The following SNX25 variants were observed in gnomAD, a reference collection of about 807,000 sequenced individuals.
SNX25 encodes the protein sorting nexin 25, also known as sorting nexin-25.
A neutral mutation model predicts 113.7 loss-of-function variants in SNX25; 62 were observed. The ratio of observed to expected loss-of-function variants is 0.55; its 90% CI spans 0.44 to 0.67. The LOEUF (loss-of-function observed/expected upper bound fraction) is 0.67, where lower values mean the gene tolerates loss of function less well. Ranked by LOEUF, SNX25 falls within the 30% of genes least tolerant of loss-of-function variation. The pLI is 0.00. For missense variants in SNX25, 1,014 were observed against 1,161.0 expected (o/e 0.87, Z 1.84); for synonymous variants, 421 against 436.2 (o/e 0.97, Z 0.43).
intron 1 of SNX25, among the ~76,000 whole-genome samples, chr4:185,242,001 C>T (rs1047274236): frequency 6.6e-6 from 1 of 152,130 alleles, no homozygotes; most frequent in Admixed American, 6.5e-5. Flanking sequence ...TTTTCATTAG[C>T]TTCTTTCTCT....
intron 12 of SNX25, among the ~76,000 whole-genome samples, chr4:185,343,754 G>A (rs2095271458): frequency 6.6e-6 from 1 of 152,058 alleles, no homozygotes; most frequent in Non-Finnish European, 1.5e-5. Flanking sequence ...TTTTTCTCTT[G>A]CTTAGCGTGA....
chr4:185,310,895 A>G (rs1755149678), intron 7 of SNX25, 79 bp downstream of exon 7: 17 of 1,351,754 alleles, frequency 1.3e-5, no homozygotes, highest in South Asian at 9.3e-5. Context: ...AAGACTTTCA[A>G]CTTTTTAGTA....
chr4:185,290,899 A>G (rs984559434), intron 6 of SNX25, among the ~76,000 whole-genome samples: 1 of 152,220 alleles, frequency 6.6e-6, no homozygotes, highest in Admixed American at 6.5e-5. Context: ...TTTTTAAAGA[A>G]AAAAAGACAA....
At chr4:185,283,083 A>G (rs181494939) in intron 5 of SNX25, among the ~76,000 whole-genome samples, 2 of 152,332 alleles carry the variant, frequency 1.3e-5, no homozygotes, top group Non-Finnish European at 2.9e-5. Flanking sequence ...GATGCCCACT[A>G]TGTGCAAAGT....
chr4:185,269,976 G>C (rs1315334828), intron 5 of SNX25, among the ~76,000 whole-genome samples: 1 of 151,186 alleles, frequency 6.6e-6, no homozygotes, highest in African/African-American at 2.4e-5. Flanking sequence ...AATGAATCTT[G>C]ATAAGAATTA....
At chr4:185,320,944 C>A in intron 8 of SNX25, 80 bp downstream of exon 8, 1 of 1,294,702 alleles carries the variant, frequency 7.7e-7, no homozygotes, top group South Asian at 2.0e-5. Context: ...CTGTTTTTCT[C>A]AAGATAAGTA....
rs746568665 is a variant in SNX25 at position 185,342,094 on chromosome 4, A to G, written c.2165A>G (p.Asn722Ser). 1 of 1,602,886 alleles carries G rather than the reference A, an allele frequency of 6.2e-7. No individual in the cohort carries two copies. Among genetic ancestry groups the G allele is most frequent in the Non-Finnish European group, 8.5e-7 (1 of 1,175,702 alleles). Residue 722 changes from asparagine (N) to serine (S), a missense_variant, in exon 12 of 19, where the codon AAT becomes AGT. Coordinates refer to ENST00000652585, the MANE Select transcript of SNX25 (RefSeq NM_001378034.2). Reference protein sequence around the residue: ...TVPRRLSEFQNLHRKLSECVP... With the variant: ...TVPRRLSEFQSLHRKLSECVP... ...CCCAGAAGGCTCAGCGAGTTTCAGA[A>G]TTTACACCGGAAACTCAGTGAGGTA...
At chr4:185,237,190 A>C (rs1742768900) in intron 1 of SNX25, among the ~76,000 whole-genome samples, 1 of 151,988 alleles carries the variant, frequency 6.6e-6, no homozygotes, top group Non-Finnish European at 1.5e-5. Flanking sequence ...CTATTAATAC[A>C]CTCTCCCTAA....
At chr4:185,327,782 T>C (rs757921531) in intron 9 of SNX25, among the ~76,000 whole-genome samples, 4 of 152,240 alleles carry the variant, frequency 2.6e-5, no homozygotes, top group African/African-American at 9.6e-5. Context: ...TAGTTAACTT[T>C]ATTAAACCAA....
At chr4:185,246,076 A>G (rs1027755141) in intron 1 of SNX25, among the ~76,000 whole-genome samples, 1 of 152,200 alleles carries the variant, frequency 6.6e-6, no homozygotes, top group Non-Finnish European at 1.5e-5. Context: ...ACATGAGGTC[A>G]GGAGTTCGAG....
intron 7 of SNX25, among the ~76,000 whole-genome samples, chr4:185,316,111 A>G (rs2126675536): frequency 6.6e-6 from 1 of 152,338 alleles, no homozygotes; most frequent in Non-Finnish European, 1.5e-5. Context: ...TTTGGAGCCC[A>G]GTTGAGAATC....
At chr4:185,251,977 T>C (rs1745735425) in intron 2 of SNX25, among the ~76,000 whole-genome samples, 1 of 152,154 alleles carries the variant, frequency 6.6e-6, no homozygotes, top group South Asian at 2.1e-4. Context: ...TTTCTTTTTT[T>C]TTAACCACAT....
At chr4:185,378,144 C>T in the SNX25 span, 1 of 1,614,040 alleles carries the variant, frequency 6.2e-7, no homozygotes, top group East Asian at 2.2e-5. Context: ...GATACAGAGG[C>T]ATAAAAGGGG....
intron 1 of SNX25, among the ~76,000 whole-genome samples, chr4:185,219,179 T>A (rs561375502): frequency 1.3e-4 from 20 of 152,296 alleles, no homozygotes; most frequent in African/African-American, 4.6e-4. Flanking sequence ...GGTCCGTCTT[T>A]CGGGGTTTAT....
intron 1 of SNX25, among the ~76,000 whole-genome samples, chr4:185,237,364 T>C (rs564366247): frequency 4.6e-5 from 7 of 152,304 alleles, no homozygotes; most frequent in African/African-American, 1.7e-4. Flanking sequence ...GCAAAACATC[T>C]CCAGGGAATG....
rs1738274523 is a variant in SNX25 at position 185,213,531 on chromosome 4, G to T, written c.429+3276G>T. Among the ~76,000 whole-genome samples the T allele has an allele frequency of 4.6e-5, 7 of 152,176 alleles. No homozygotes were observed. In the South Asian group the frequency reaches 1.5e-3, roughly 32 times the overall value. On this transcript the variant is annotated intron_variant, in intron 1 of 18. Transcript: ENST00000652585. ...AGCGGAGCGGAACTGTGATGCTCTA[G>T]GGCCAGCCTGCTGTTGGGGTTGACA...
At chr4:185,217,955 C>G (rs1054194647) in intron 1 of SNX25, among the ~76,000 whole-genome samples, 1 of 152,144 alleles carries the variant, frequency 6.6e-6, no homozygotes, top group Non-Finnish European at 1.5e-5. Flanking sequence ...TGTAGGTCAC[C>G]TATGCCACCT....
rs117142483 is a variant in SNX25, at chr4:185,282,835, C to G, written c.1092-5177C>G. On this transcript the variant is annotated intron_variant, in intron 5 of 18. Transcript: ENST00000652585. ...CGTACAAACATCAGCCCTCCTGATT[C>G]TTGAACCGAACTCAGCACTTGCAAA... is the stretch of plus-strand genomic sequence containing the variant. Among the ~76,000 whole-genome samples the G allele has an allele frequency of 8.6e-4, 131 of 152,322 alleles. 1 individual carries two copies. In the East Asian group the frequency reaches 0.023, roughly 27 times the overall value.
the SNX25 span, among the ~76,000 whole-genome samples, chr4:185,376,230 A>G: frequency 6.6e-6 from 1 of 152,184 alleles, no homozygotes; most frequent in African/African-American, 2.4e-5. Context: ...TAAGTACTAG[A>G]TAAAAATCAA....
Sources: gnomAD v4.1 joint callset for allele counts (sites outside exome capture counted in the v4.1 genomes callset) on GRCh38, gnomAD v4.1.1 for gene constraint, MANE v1.5 for transcripts, NCBI Gene and HGNC (gene_info 2026-07-23, HGNC 2026-07-21) for gene names.